SLC1A3: variants seen among roughly 807,000 people sequenced by gnomAD.
SLC1A3 encodes the protein solute carrier family 1 member 3, also known as excitatory amino acid transporter 1.
A neutral mutation model predicts 48.1 loss-of-function variants in SLC1A3; 21 were observed. That is an observed-to-expected ratio of 0.44 (90% confidence interval 0.31 to 0.63). The LOEUF (loss-of-function observed/expected upper bound fraction) is 0.63. SLC1A3 is among the 20% of genes least tolerant of loss of function. The probability of loss-of-function intolerance (pLI) is 0.08; values close to 1 mark genes in which losing one functional copy is unlikely to be tolerated. For synonymous variants in SLC1A3, 239 were observed against 251.4 expected (o/e 0.95, Z 0.47); for missense variants, 546 against 689.0 (o/e 0.79, Z 2.32).
At chr5:36,665,840 C>CA (rs1741719192) in intron 3 of SLC1A3, among the ~76,000 whole-genome samples, 1 of 152,180 alleles carries the variant, frequency 6.6e-6, no homozygotes, top group African/African-American at 2.4e-5. Context: ...CCGAGGCTAT[C>CA]ACTGGCTTAC....
intron 3 of SLC1A3, among the ~76,000 whole-genome samples, chr5:36,641,472 G>C (rs917315834): frequency 4.0e-5 from 6 of 151,828 alleles, no homozygotes; most frequent in African/African-American, 7.3e-5. Context: ...CTACCTCCCT[G>C]AAAGTATATT....
intron 3 of SLC1A3, among the ~76,000 whole-genome samples, chr5:36,654,432 C>G (rs1741208808): frequency 6.6e-6 from 1 of 152,076 alleles, no homozygotes; most frequent in African/African-American, 2.4e-5. Context: ...TTTACCTTTC[C>G]CCCCATTCGA....
At chr5:36,622,987 G>C (rs920377433) in intron 2 of SLC1A3, among the ~76,000 whole-genome samples, 18 of 149,364 alleles carry the variant, frequency 1.2e-4, no homozygotes, top group African/African-American at 3.2e-4. Context: ...ACTGCAGCCT[G>C]GGCTACAGAG....
At chr5:36,603,531 A>G (rs911632329), upstream of SLC1A3, among the ~76,000 whole-genome samples, 3 of 152,270 alleles carry the variant, frequency 2.0e-5, no homozygotes, top group African/African-American at 4.8e-5. Context: ...TTTAGGTTTC[A>G]TATGACTATA....
intron 2 of SLC1A3, chr5:36,612,808 C>T (rs1739263496): frequency 2.2e-6 from 1 of 456,034 alleles, no homozygotes; most frequent in African/African-American, 2.0e-5. Context: ...GGATTCAAAT[C>T]CACCATTCCG....
At chr5:36,635,131 T>G (rs934567066) in intron 3 of SLC1A3, among the ~76,000 whole-genome samples, 6 of 151,890 alleles carry the variant, frequency 4.0e-5, no homozygotes, top group African/African-American at 1.5e-4. Flanking sequence ...AGCTGTAGAT[T>G]TCACCACCTG....
chr5:36,636,521 C>CTTTCTT, intron 3 of SLC1A3: 1 of 119,824 alleles, frequency 8.3e-6, no homozygotes, highest in Non-Finnish European at 1.9e-5. Context: ...TTCTTTCTTT[C>CTTTCTT]TCTCTCTTTC....
At chr5:36,651,144 A>G (rs1294044450) in intron 3 of SLC1A3, among the ~76,000 whole-genome samples, 73 of 6,956 alleles carry the variant, frequency 0.01, no homozygotes, top group African/African-American at 0.014. Flanking sequence ...TTTTTTTTAA[A>G]AAAAAAAAAA....
chr5:36,654,605 G>C (rs1741216463), intron 3 of SLC1A3, among the ~76,000 whole-genome samples: 2 of 152,112 alleles, frequency 1.3e-5, no homozygotes, highest in South Asian at 4.1e-4. Context: ...GCCTTGTATA[G>C]CTCTGTCCCC....
intron 2 of SLC1A3, among the ~76,000 whole-genome samples, chr5:36,628,002 G>A (rs1263561959): frequency 6.6e-6 from 1 of 152,180 alleles, no homozygotes; most frequent in African/African-American, 2.4e-5. Flanking sequence ...TATAGCAAGA[G>A]CTCAGTAAGC....
chr5:36,670,986 C>T (rs767876604), intron 3 of SLC1A3, 43 bp from the exon 4 acceptor site: 25 of 1,551,960 alleles, frequency 1.6e-5, no homozygotes, highest in Non-Finnish European at 2.0e-5. Context: ...CTGGAGAATT[C>T]CCTGGACTGA....
intron 5 of SLC1A3, 109 bp from the exon 6 acceptor site, chr5:36,676,783 T>C: frequency 2.4e-6 from 2 of 831,610 alleles, no homozygotes; most frequent in East Asian, 5.3e-5. Flanking sequence ...CATCTCTGAA[T>C]ACAAAGTAAC....
chr5:36,650,173 C>G (rs1045299785), intron 3 of SLC1A3, among the ~76,000 whole-genome samples: 2 of 152,136 alleles, frequency 1.3e-5, no homozygotes, highest in African/African-American at 4.8e-5. Flanking sequence ...CTGTTTCTAC[C>G]TTGACCTCTA....
intron 3 of SLC1A3, among the ~76,000 whole-genome samples, chr5:36,634,287 TATAAATAAATAA>T (rs60704367): frequency 6.7e-6 from 1 of 149,882 alleles, no homozygotes; most frequent in Non-Finnish European, 1.5e-5. Flanking sequence ...AAAAAAGAAA[TATAAATAAATAA>T]ATAAATAAAT....
intron 4 of SLC1A3, among the ~76,000 whole-genome samples, chr5:36,672,480 C>T (rs1266336190): frequency 6.6e-6 from 1 of 152,188 alleles, no homozygotes; most frequent in Non-Finnish European, 1.5e-5. Flanking sequence ...TCTTTCCTCC[C>T]AGCTTTTCAG....
At chr5:36,611,547 C>G (rs183453196) in intron 2 of SLC1A3, among the ~76,000 whole-genome samples, 10 of 152,246 alleles carry the variant, frequency 6.6e-5, no homozygotes, top group Non-Finnish European at 1.3e-4. Flanking sequence ...ACTGTCATTT[C>G]TAAGCAATGT....
chr5:36,636,944 T>C (rs1561255796), intron 3 of SLC1A3, among the ~76,000 whole-genome samples: 3 of 152,146 alleles, frequency 2.0e-5, no homozygotes, highest in Admixed American at 1.3e-4. Context: ...AACTACGAAG[T>C]CTGTCTTCTG....
chr5:36,654,743 G>T (rs1741221575), intron 3 of SLC1A3, among the ~76,000 whole-genome samples: 2 of 152,202 alleles, frequency 1.3e-5, no homozygotes, highest in African/African-American at 4.8e-5. Flanking sequence ...AGCTGAGGTT[G>T]TTAATTCATT....
At chr5:36,664,324 G>C (rs988352590) in intron 3 of SLC1A3, among the ~76,000 whole-genome samples, 1 of 151,920 alleles carries the variant, frequency 6.6e-6, no homozygotes, top group African/African-American at 2.4e-5. Flanking sequence ...GTAGAGACAG[G>C]GTTTCACTAT....
Sources: gnomAD v4.1 joint callset for allele counts (sites outside exome capture counted in the v4.1 genomes callset) on GRCh38, gnomAD v4.1.1 for gene constraint, MANE v1.5 for transcripts, NCBI Gene and HGNC (gene_info 2026-07-23, HGNC 2026-07-21) for gene names.